The following ANKRD62 variants were observed in gnomAD, a reference collection of about 807,000 sequenced individuals.
ANKRD62 encodes the protein ankyrin repeat domain 62, also known as ankyrin repeat domain-containing protein 62.
In ANKRD62, 61 loss-of-function variants were observed where a neutral mutation model predicts 98.8. That is an observed-to-expected ratio of 0.62 (90% confidence interval 0.50 to 0.76). The LOEUF is 0.76. Among genes scored for constraint, ANKRD62 ranks in the 30% least tolerant of loss-of-function variants. ANKRD62 has a pLI of 0.00. For missense variants in ANKRD62, 933 were observed against 1,082.9 expected (o/e 0.86, Z 1.94); for synonymous variants, 341 against 367.9 (o/e 0.93, Z 0.84).
chr18:12,153,593 GAAA>G, the ANKRD62 span, among the ~76,000 whole-genome samples: 15 of 64,046 alleles, frequency 2.3e-4, no homozygotes, highest in Non-Finnish European at 3.5e-4. Context: ...CTCTGCCTGG[GAAA>G]AAAAAAAAAA....
At chr18:12,107,838 C>T (rs1909449349) in intron 8 of ANKRD62, among the ~76,000 whole-genome samples, 1 of 152,038 alleles carries the variant, frequency 6.6e-6, no homozygotes, top group South Asian at 2.1e-4. Flanking sequence ...TATGAGTTTA[C>T]ACATACACAC....
chr18:12,103,080 T>G, intron 6 of ANKRD62, 78 bp from the exon 7 acceptor site: 1 of 1,033,976 alleles, frequency 9.7e-7, no homozygotes, highest in Non-Finnish European at 1.3e-6. Flanking sequence ...TGTTATTTTC[T>G]ATTTTTATAA....
chr18:12,136,703 A>G, the ANKRD62 span, among the ~76,000 whole-genome samples: 14 of 152,144 alleles, frequency 9.2e-5, 1 homozygote, highest in South Asian at 1.9e-3. Flanking sequence ...ATTTGTTTGT[A>G]TCCTCTTTTA....
At chr18:12,121,569 A>G (rs1909782428) in intron 10 of ANKRD62, among the ~76,000 whole-genome samples, 1 of 151,880 alleles carries the variant, frequency 6.6e-6, no homozygotes, top group African/African-American at 2.4e-5. Context: ...TCTCCTCTCC[A>G]GTGTTCTGTC....
downstream of ANKRD62, among the ~76,000 whole-genome samples, chr18:12,134,332 C>T (rs1910047782): frequency 6.6e-6 from 1 of 152,152 alleles, no homozygotes; most frequent in Admixed American, 6.5e-5. Context: ...GTGTTTGTCC[C>T]TATTGACATA....
chr18:12,115,454 C>T lies in ANKRD62; in HGVS notation c.1160C>T (p.Thr387Ile), dbSNP rs1909641762. Residue 387 changes from threonine to isoleucine, a missense_variant, in exon 10 of 14, where the codon ACC becomes ATC. By Grantham distance (89) the Thr-to-Ile change is moderately conservative. Coordinates refer to ENST00000587848, the MANE Select transcript of ANKRD62 (RefSeq NM_001277333.2). ...LNDISGSSEK[T>I]SEDDELPYSD... ...GACATAAGTGGGTCATCTGAAAAAA[C>T]CTCAGAGGATGATGAGTTGCCTTAC... 6.5e-7 allele frequency: 1 copy of T among 1,537,082 alleles called. No homozygotes were observed. The highest frequency in any genetic ancestry group is 8.7e-7 in the Non-Finnish European group (1 of 1,146,508).
At chr18:12,138,342 G>A in the ANKRD62 span, among the ~76,000 whole-genome samples, 2 of 152,228 alleles carry the variant, frequency 1.3e-5, no homozygotes, top group South Asian at 4.1e-4. Flanking sequence ...CAGTTTCCAT[G>A]TAGTTGAGCG....
At chr18:12,156,515 A>T in the ANKRD62 span, among the ~76,000 whole-genome samples, 2 of 152,130 alleles carry the variant, frequency 1.3e-5, no homozygotes, top group Non-Finnish European at 2.9e-5. Context: ...TAGTGGGTAA[A>T]GAACAGTATT....
At chr18:12,136,636 G>C in the ANKRD62 span, among the ~76,000 whole-genome samples, 1 of 152,192 alleles carries the variant, frequency 6.6e-6, no homozygotes, top group Non-Finnish European at 1.5e-5. Context: ...ACCTTGGGCA[G>C]TATGGCCATT....
chr18:12,145,089 G>T, the ANKRD62 span, among the ~76,000 whole-genome samples: 2 of 152,126 alleles, frequency 1.3e-5, no homozygotes, highest in Non-Finnish European at 2.9e-5. Context: ...GTTGTGGTGA[G>T]CCGAGATTGC....
the ANKRD62 span, among the ~76,000 whole-genome samples, chr18:12,166,672 A>G: frequency 6.6e-6 from 1 of 151,794 alleles, no homozygotes; most frequent in East Asian, 1.9e-4. Context: ...TTTTTCCTAA[A>G]TGGTCTTGAT....
At chr18:12,106,202 CT>C (rs1331427435) in intron 7 of ANKRD62, among the ~76,000 whole-genome samples, 4 of 152,180 alleles carry the variant, frequency 2.6e-5, no homozygotes, top group Non-Finnish European at 5.9e-5. Flanking sequence ...CCGCATGTTT[CT>C]GTCAAAGCAG....
chr18:12,150,708 T>G, the ANKRD62 span, among the ~76,000 whole-genome samples: 1 of 152,128 alleles, frequency 6.6e-6, no homozygotes, highest in East Asian at 1.9e-4. Flanking sequence ...AAAGTAAACT[T>G]CCTCAGTGAA....
the ANKRD62 span, among the ~76,000 whole-genome samples, chr18:12,139,373 G>T: frequency 1.3e-5 from 2 of 152,092 alleles, no homozygotes; most frequent in African/African-American, 2.4e-5. Context: ...AGCTGGGCAC[G>T]GTGGCTCATG....
intron 8 of ANKRD62, among the ~76,000 whole-genome samples, chr18:12,114,460 T>A (rs1909615660): frequency 6.6e-6 from 1 of 152,248 alleles, no homozygotes; most frequent in South Asian, 2.1e-4. Flanking sequence ...CCAAAGTTCT[T>A]GGGTTTGAAT....
the ANKRD62 span, among the ~76,000 whole-genome samples, chr18:12,167,574 T>A: frequency 4.6e-5 from 7 of 152,334 alleles, no homozygotes; most frequent in East Asian, 1.2e-3. Context: ...TTTACTATTG[T>A]GAATAGTGCC....
the ANKRD62 span, among the ~76,000 whole-genome samples, chr18:12,158,565 G>A: frequency 8.6e-5 from 13 of 151,222 alleles, no homozygotes; most frequent in East Asian, 1.9e-4. Flanking sequence ...TCGCTGTGTC[G>A]CCCTGGCTGG....
Position 12,094,251 on chromosome 18 carries a change from A to C in ANKRD62, c.218+16A>C, listed in dbSNP as rs777492516. ...AGAAGAACAGGTAAGGGGAACAGGA[A>C]GCCGGGAGGAGGCCTGGGGATATGG... is the stretch of plus-strand genomic sequence containing the variant. On this transcript the variant is annotated intron_variant, in intron 1 of 13. Transcript: ENST00000587848. 97 of 1,510,380 alleles carry C rather than the reference A, an allele frequency of 6.4e-5. No homozygotes were observed. In the African/African-American group the frequency reaches 1.2e-3, roughly 19 times the overall value. The allele number at this position is 1,510,380 out of a possible 1,614,324, so 93.6% of individuals were successfully genotyped here. A position where few individuals can be genotyped will look rare whatever the true frequency, so the allele number is the denominator to read the frequency against.
the ANKRD62 span, among the ~76,000 whole-genome samples, chr18:12,137,715 T>C: frequency 6.6e-6 from 1 of 152,222 alleles, no homozygotes; most frequent in Non-Finnish European, 1.5e-5. Flanking sequence ...AATTATTGCC[T>C]CAATTTCAGA....
Sources: gnomAD v4.1 joint callset for allele counts (sites outside exome capture counted in the v4.1 genomes callset) on GRCh38, gnomAD v4.1.1 for gene constraint, MANE v1.5 for transcripts, NCBI Gene and HGNC (gene_info 2026-07-23, HGNC 2026-07-21) for gene names.